HMGA2: variants seen among roughly 807,000 people sequenced by gnomAD.
HMGA2 encodes high mobility group protein HMGI-C.
A neutral mutation model predicts 19.1 loss-of-function variants in HMGA2; 8 were observed. That is an observed-to-expected ratio of 0.42 (90% CI 0.25 to 0.76). HMGA2 has a LOEUF of 0.76. HMGA2 is among the 30% of genes least tolerant of loss of function. The pLI, the probability that HMGA2 is intolerant of heterozygous loss-of-function variation, is 0.28. For synonymous variants in HMGA2, 60 were observed against 48.8 expected (o/e 1.23, Z -0.96); for missense variants, 109 against 136.3 (o/e 0.80, Z 1.00).
chr12:65,881,686 G>A (rs1326767724), intron 3 of HMGA2: 1 of 698,994 alleles, frequency 1.4e-6, no homozygotes, highest in Non-Finnish European at 2.6e-6. Context: ...ATGAGAGGAG[G>A]AGAGAAATTG....
At chr12:65,963,180 T>C in intron 4 of HMGA2, 65 bp from the exon 5 acceptor site, 1 of 1,493,584 alleles carries the variant, frequency 6.7e-7, no homozygotes, top group Middle Eastern at 1.8e-4. Flanking sequence ...CTCTGCACTG[T>C]TGGCAAGAGC....
At chr12:65,961,816 T>A (rs1876760652) in intron 4 of HMGA2, among the ~76,000 whole-genome samples, 1 of 152,082 alleles carries the variant, frequency 6.6e-6, no homozygotes, top group African/African-American at 2.4e-5. Context: ...TGGGGTTTTT[T>A]TCTCCCATTT....
intron 3 of HMGA2, chr12:65,876,879 T>A (rs1379372389): frequency 6.6e-6 from 1 of 152,424 alleles, no homozygotes; most frequent in Non-Finnish European, 1.5e-5. Context: ...TCTTACCCCA[T>A]GAGTAGGCCA....
At chr12:65,913,322 G>A (rs879765057) in intron 3 of HMGA2, among the ~76,000 whole-genome samples, 3 of 151,956 alleles carry the variant, frequency 2.0e-5, no homozygotes, top group Non-Finnish European at 4.4e-5. Context: ...GCTTTTCTCC[G>A]GGGTCAGTCA....
chr12:65,948,722 T>C (rs1429877429), intron 3 of HMGA2, among the ~76,000 whole-genome samples: 1 of 152,142 alleles, frequency 6.6e-6, no homozygotes, highest in Non-Finnish European at 1.5e-5. Context: ...TGTCTGAGGG[T>C]AGCTGGTAGA....
intron 3 of HMGA2, among the ~76,000 whole-genome samples, chr12:65,865,851 C>T (rs1006966681): frequency 2.6e-5 from 4 of 151,524 alleles, no homozygotes; most frequent in African/African-American, 9.7e-5. Context: ...ATCATGTTAG[C>T]CAGGATGGTG....
intron 3 of HMGA2, among the ~76,000 whole-genome samples, chr12:65,880,763 G>A (rs149414171): frequency 5.9e-5 from 9 of 152,114 alleles, no homozygotes; most frequent in Non-Finnish European, 8.8e-5. Context: ...TAGGTCTTGG[G>A]GTTTAGGTTT....
chr12:65,934,923 G>A (rs1875840920), intron 3 of HMGA2: 1 of 152,230 alleles, frequency 6.6e-6, no homozygotes, highest in Admixed American at 6.5e-5. Context: ...AGGAAGGAGT[G>A]ACTTCTCTCA....
At chr12:65,841,325 G>C (rs951764698) in intron 3 of HMGA2, among the ~76,000 whole-genome samples, 2 of 152,096 alleles carry the variant, frequency 1.3e-5, no homozygotes, top group African/African-American at 4.8e-5. Context: ...ATTTTTACTG[G>C]CTGTGAGAAT....
intron 3 of HMGA2, among the ~76,000 whole-genome samples, chr12:65,891,472 C>T (rs1873909031): frequency 6.6e-6 from 1 of 152,202 alleles, no homozygotes; most frequent in Non-Finnish European, 1.5e-5. Context: ...TTAGGGAAGA[C>T]AGTTAGGCTT....
At chr12:65,856,093 ATG>A (rs1871727512) in intron 3 of HMGA2, 1 of 152,230 alleles carries the variant, frequency 6.6e-6, no homozygotes, top group Admixed American at 6.5e-5. Flanking sequence ...ATATCAGCAT[ATG>A]CTGCTGTTGC....
chr12:65,837,326 A>C (rs1478658132), intron 2 of HMGA2, among the ~76,000 whole-genome samples: 1 of 152,180 alleles, frequency 6.6e-6, no homozygotes, highest in East Asian at 1.9e-4. Context: ...CTATCTGCCT[A>C]TCCATCTATC....
chr12:65,942,955 A>G (rs1416234238), intron 3 of HMGA2, among the ~76,000 whole-genome samples: 1 of 152,014 alleles, frequency 6.6e-6, no homozygotes, highest in Admixed American at 6.6e-5. Flanking sequence ...CAGTGACCTT[A>G]TCTCTACTTT....
intron 3 of HMGA2, among the ~76,000 whole-genome samples, chr12:65,904,026 C>T (rs574472313): frequency 3.9e-5 from 6 of 152,360 alleles, no homozygotes; most frequent in African/African-American, 1.4e-4. Flanking sequence ...AAACCAAACA[C>T]ATCGCGTAGC....
At chr12:65,878,761 T>A (rs1873193619) in intron 3 of HMGA2, among the ~76,000 whole-genome samples, 1 of 152,220 alleles carries the variant, frequency 6.6e-6, no homozygotes, top group African/African-American at 2.4e-5. Flanking sequence ...TCTAAGGCTC[T>A]AATGACTTGC....
At position 65,964,256 on chromosome 12, in the gene HMGA2, C is replaced by A. The variant is rs1202124760; in HGVS notation, c.*964C>A. The A allele has an allele frequency of 9.9e-6, 2 of 202,856 alleles. No individual in the cohort carries two copies. Among genetic ancestry groups the A allele is most frequent in the South Asian group, 2.0e-4 (1 of 5,108 alleles). The allele number at this position is 202,856 out of a possible 1,614,324, so 12.6% of individuals were successfully genotyped here. A position where few individuals can be genotyped will look rare whatever the true frequency, so the allele number is the denominator to read the frequency against. The stretch of plus-strand genomic sequence containing the variant: ...GGTGGGAGGAGCGAAATCTAAATTT[C>A]TTTTGCTATAGTTATACATCAATTT... On this transcript the variant is annotated 3_prime_UTR_variant, in exon 5 of 5. Coordinates refer to ENST00000403681, the MANE Select transcript of HMGA2 (RefSeq NM_003483.6).
intron 3 of HMGA2, among the ~76,000 whole-genome samples, chr12:65,935,909 C>T (rs1365143084): frequency 6.6e-6 from 1 of 152,130 alleles, no homozygotes; most frequent in Non-Finnish European, 1.5e-5. Flanking sequence ...AAGGGAAGTA[C>T]TTTAAGCTGT....
At chr12:65,894,192 TG>T in intron 3 of HMGA2, among the ~76,000 whole-genome samples, 1 of 152,232 alleles carries the variant, frequency 6.6e-6, no homozygotes. Context: ...AAAATCAGAT[TG>T]CAGTTTGAAA....
In HMGA2 at chr12:65,825,788, G is replaced by T. The variant is rs1288827610; in HGVS notation, c.111+407G>T. Among the ~76,000 whole-genome samples, 1 of 152,080 alleles carries T rather than the reference G, an allele frequency of 6.6e-6. No homozygotes were observed. The highest frequency in any genetic ancestry group is 1.5e-5 in the Non-Finnish European group (1 of 68,014). On this transcript the variant is annotated intron_variant, in intron 1 of 4. Coordinates refer to ENST00000403681, the MANE Select transcript of HMGA2 (RefSeq NM_003483.6). This position sits in a 1 kb window ranked among gnomAD's most constrained non-coding sequence, Gnocchi z 4.4. ...GGGAGGAAGGAGGTGCCGGGGACCC[G>T]GGCGCTTCGGCCGATCTGGGCTGAA...
Sources: allele counts gnomAD v4.1 joint callset (sites outside exome capture counted in the v4.1 genomes callset), GRCh38; gene constraint gnomAD v4.1.1; non-coding constraint Gnocchi (gnomAD v3.1); transcripts MANE v1.5; gene names NCBI Gene and HGNC (gene_info 2026-07-23, HGNC 2026-07-21).